Variants in MUC7 observed in about 807,000 individuals in gnomAD.
The protein encoded by MUC7 is mucin 7, secreted, also known as mucin-7.
Under a neutral mutation model 2.5 loss-of-function variants are expected in MUC7, and 2 were observed. That is an observed-to-expected ratio of 0.81 (90% CI 0.33 to 2.55). The LOEUF (loss-of-function observed/expected upper bound fraction) is 2.55, where lower values mean the gene tolerates loss of function less well. MUC7 is among the 30% of genes most tolerant of loss of function. The pLI, the probability that MUC7 is intolerant of heterozygous loss-of-function variation, is 0.11. For missense variants in MUC7, 408 were observed against 455.6 expected (o/e 0.90, Z 0.95); for synonymous variants, 133 against 173.4 (o/e 0.77, Z 1.83).
At chr4:70,432,590 G>GT (rs2109784131) in intron 1 of MUC7, among the ~76,000 whole-genome samples, 1 of 151,934 alleles carries the variant, frequency 6.6e-6, no homozygotes, top group African/African-American at 2.4e-5. Flanking sequence ...TTTTTGATGG[G>GT]GTTTTTTTCT....
intron 2 of MUC7, among the ~76,000 whole-genome samples, chr4:70,476,011 A>C (rs1330186586): frequency 6.6e-6 from 1 of 152,232 alleles, no homozygotes; most frequent in Non-Finnish European, 1.5e-5. Context: ...CTCATCTCTA[A>C]TGTTTACCAT....
Position 70,481,142 on chromosome 4 carries a change from C to T in MUC7, c.398C>T (p.Pro133Leu), listed in dbSNP as rs891123045. Residue 133 changes from proline to leucine, a missense_variant, in exon 3 of 3, where the codon CCC becomes CTC. Pro to Leu is a moderately conservative substitution (Grantham distance 98, BLOSUM62 -3). Coordinates refer to ENST00000304887, the MANE Select transcript of MUC7 (RefSeq NM_152291.3). ...ITTLPNVTFLPQNATTISSRE... is the reference protein window; with the variant it reads ...ITTLPNVTFLLQNATTISSRE... Reference sequence around the variant, plus strand: ...ACCCTTCCAAATGTGACTTTTCTTCCCCAGAATGCCACCACCATATCTTCA... The same window carrying T: ...ACCCTTCCAAATGTGACTTTTCTTCTCCAGAATGCCACCACCATATCTTCA... 2 of 1,614,066 alleles carry T rather than the reference C, an allele frequency of 1.2e-6. No individual in the cohort carries two copies. The highest frequency in any genetic ancestry group is 1.7e-6 in the Non-Finnish European group (2 of 1,180,040).
At chr4:70,444,662 GTC>G (rs1388663893) in intron 1 of MUC7, among the ~76,000 whole-genome samples, 1 of 152,148 alleles carries the variant, frequency 6.6e-6, no homozygotes, top group Non-Finnish European at 1.5e-5. Flanking sequence ...TATTTCTACT[GTC>G]TCTATATAAT....
At chr4:70,461,914 A>T (rs1168173106) in intron 1 of MUC7, among the ~76,000 whole-genome samples, 1 of 152,242 alleles carries the variant, frequency 6.6e-6, no homozygotes, top group Non-Finnish European at 1.5e-5. Context: ...CATGAAAAAG[A>T]AAGGTTGACA....
At chr4:70,456,992 A>G (rs1334155190) in intron 1 of MUC7, among the ~76,000 whole-genome samples, 4 of 152,066 alleles carry the variant, frequency 2.6e-5, no homozygotes, top group Admixed American at 2.6e-4. Flanking sequence ...ATACACAATC[A>G]TGCTATTTGG....
chr4:70,444,487 A>G (rs1560546343), intron 1 of MUC7, among the ~76,000 whole-genome samples: 1 of 152,128 alleles, frequency 6.6e-6, no homozygotes, highest in Non-Finnish European at 1.5e-5. Flanking sequence ...CCTCTACTTC[A>G]GCTCTATCTG....
intron 1 of MUC7, among the ~76,000 whole-genome samples, chr4:70,440,896 C>T (rs987263539): frequency 6.6e-6 from 1 of 151,998 alleles, no homozygotes; most frequent in Admixed American, 6.6e-5. Context: ...TTTTGAGAAA[C>T]ATAAGGCATG....
At chr4:70,475,282 A>G (rs1349636961) in intron 2 of MUC7, among the ~76,000 whole-genome samples, 1 of 151,890 alleles carries the variant, frequency 6.6e-6, no homozygotes, top group Non-Finnish European at 1.5e-5. Context: ...TTGTCTCAAA[A>G]GAAAAAAAAA....
intron 1 of MUC7, among the ~76,000 whole-genome samples, chr4:70,466,881 C>A (rs1213552417): frequency 2.0e-5 from 3 of 152,164 alleles, no homozygotes; most frequent in Non-Finnish European, 4.4e-5. Flanking sequence ...ATATTCAGGA[C>A]TTGAACTCAA....
chr4:70,481,917 T>A lies in MUC7; in HGVS notation c.*39T>A, dbSNP rs1242409691. 6.3e-7 allele frequency: 1 copy of A among 1,587,142 alleles called. No individual in the cohort carries two copies. Among genetic ancestry groups the A allele is most frequent in the Admixed American group, 1.7e-5 (1 of 57,644 alleles). ...GTAAAGTGTTCTGTCATTTACAAGA[T>A]GTGATTCATGAGTGCAGAACTACCA... On this transcript the variant is annotated 3_prime_UTR_variant, in exon 3 of 3. Transcript: ENST00000304887.
intron 2 of MUC7, among the ~76,000 whole-genome samples, chr4:70,479,538 A>G (rs970607415): frequency 6.6e-6 from 1 of 152,184 alleles, no homozygotes; most frequent in Non-Finnish European, 1.5e-5. Context: ...AACGTAACCT[A>G]TCCTTGTTTG....
chr4:70,433,458 T>C (rs1294821791), intron 1 of MUC7, among the ~76,000 whole-genome samples: 2 of 152,206 alleles, frequency 1.3e-5, no homozygotes, highest in Non-Finnish European at 2.9e-5. Flanking sequence ...CCCTCGTAAA[T>C]TGTATTCTTA....
chr4:70,432,862 G>A (rs1029659544), intron 1 of MUC7, among the ~76,000 whole-genome samples: 2 of 152,118 alleles, frequency 1.3e-5, no homozygotes, highest in African/African-American at 4.8e-5. Context: ...TATGGTTTTA[G>A]GTCTAATATG....
At chr4:70,444,855 C>T (rs931046963) in intron 1 of MUC7, among the ~76,000 whole-genome samples, 1 of 152,064 alleles carries the variant, frequency 6.6e-6, no homozygotes, top group Non-Finnish European at 1.5e-5. Context: ...AGTTCGAGAC[C>T]AGCCTGGCCA....
chr4:70,467,439 A>T (rs1391650031), upstream of MUC7, among the ~76,000 whole-genome samples: 1 of 152,178 alleles, frequency 6.6e-6, no homozygotes, highest in Non-Finnish European at 1.5e-5. Context: ...TAGAGACACA[A>T]AAAAACCCTT....
chr4:70,456,776 A>G (rs1734426480), intron 1 of MUC7, among the ~76,000 whole-genome samples: 1 of 152,226 alleles, frequency 6.6e-6, no homozygotes, highest in African/African-American at 2.4e-5. Context: ...AAATATGTCA[A>G]TAATGTTTGC....
intron 1 of MUC7, among the ~76,000 whole-genome samples, chr4:70,445,392 A>G (rs1368567737): frequency 6.6e-6 from 1 of 152,192 alleles, no homozygotes; most frequent in Non-Finnish European, 1.5e-5. Context: ...ACATTTGATT[A>G]TGAGTCTGCC....
upstream of MUC7, among the ~76,000 whole-genome samples, chr4:70,467,211 T>C (rs1409519553): frequency 6.6e-6 from 1 of 152,108 alleles, no homozygotes; most frequent in East Asian, 1.9e-4. Flanking sequence ...TTGAAACACA[T>C]GAGAACAAAG....
upstream of MUC7, among the ~76,000 whole-genome samples, chr4:70,469,809 G>A (rs775275104): frequency 1.7e-3 from 262 of 152,186 alleles, no homozygotes; most frequent in Non-Finnish European, 3.1e-3. Flanking sequence ...TGCTGTTTCT[G>A]GGACTGTAAA....
Sources: gnomAD v4.1 joint callset for allele counts (sites outside exome capture counted in the v4.1 genomes callset) on GRCh38, gnomAD v4.1.1 for gene constraint, MANE v1.5 for transcripts, NCBI Gene and HGNC (gene_info 2026-07-23, HGNC 2026-07-21) for gene names.